ADPRHL1: variants seen among roughly 807,000 people sequenced by gnomAD.
The protein encoded by ADPRHL1 is ADP-ribosylhydrolase like 1.
Under a neutral mutation model 44.1 loss-of-function variants are expected in ADPRHL1, and 43 were observed. The observed-to-expected ratio is 0.98, with a 90% CI of 0.76 to 1.26. The LOEUF (loss-of-function observed/expected upper bound fraction) is 1.26, where lower values mean the gene tolerates loss of function less well. Ranked by LOEUF, ADPRHL1 falls within the 50% of genes most tolerant of loss-of-function variation. The probability of loss-of-function intolerance (pLI) is 0.00; values close to 1 mark genes in which losing one functional copy is unlikely to be tolerated. For missense variants in ADPRHL1, 2,022 were observed against 2,496.9 expected (o/e 0.81, Z 4.05); for synonymous variants, 878 against 1,017.4 (o/e 0.86, Z 2.61).
chr13:113,412,626 C>A (rs943965370), intron 7 of ADPRHL1, among the ~76,000 whole-genome samples: 1 of 152,240 alleles, frequency 6.6e-6, no homozygotes, highest in Non-Finnish European at 1.5e-5. Flanking sequence ...CAGCGTTGGG[C>A]ACAGCCGGGC....
intron 2 of ADPRHL1, 71 bp from the exon 3 acceptor site, chr13:113,433,938 T>C: frequency 6.9e-7 from 1 of 1,453,180 alleles, no homozygotes; most frequent in Non-Finnish European, 9.1e-7. Flanking sequence ...CTAGCTTTCA[T>C]GAATAATTTT....
rs924340844 is a variant in ADPRHL1 at position 113,402,436 on chromosome 13, A to G, written c.*942T>C. The G allele has an allele frequency of 3.3e-5, 5 of 152,222 alleles. No homozygotes were observed. The highest frequency in any genetic ancestry group is 1.2e-4 in the African/African-American group (5 of 41,438). 9.4% of individuals were successfully genotyped at this position (152,222 alleles called of 1,614,324 possible). On this transcript the variant is annotated 3_prime_UTR_variant, in exon 8 of 8. Coordinates refer to ENST00000612156, the MANE Select transcript of ADPRHL1 (RefSeq NM_001394807.1). ...AGCATTCAAATATTCCAGCCTGAAC[A>G]TGCATTACCTCAGTACCTGAACAGG...
chr13:113,403,087 G>T lies in ADPRHL1; in HGVS notation c.*291C>A. The T allele has an allele frequency of 4.0e-6, 1 of 249,392 alleles. No homozygotes were observed. The highest frequency in any genetic ancestry group is 7.5e-6 in the Non-Finnish European group (1 of 134,060). The allele number at this position is 249,392 out of a possible 1,614,324, so 15.4% of individuals were successfully genotyped here. Reference sequence around the variant, plus strand: ...CACGCTGCAGGCTGTGTGAGAGAGGGGTGAGCCGGCGCCCCCGAGTGAAGA... The same window carrying T: ...CACGCTGCAGGCTGTGTGAGAGAGGTGTGAGCCGGCGCCCCCGAGTGAAGA... On this transcript the variant is annotated 3_prime_UTR_variant, in exon 8 of 8. Transcript: ENST00000612156.
Position 113,400,125 on chromosome 13 carries a change from G to C in ADPRHL1, c.*3253C>G, listed in dbSNP as rs928821655. The stretch of plus-strand genomic sequence containing the variant: ...ACTAAGAAGCTAAAATAAATATCCT[G>C]TTTTCTTTTCTTTTCTTTTCTTCTT... On this transcript the variant is annotated 3_prime_UTR_variant, in exon 8 of 8. Coordinates refer to ENST00000612156, the MANE Select transcript of ADPRHL1 (RefSeq NM_001394807.1). The C allele has an allele frequency of 1.4e-5, 2 of 143,596 alleles. No homozygotes were observed. The highest frequency in any genetic ancestry group is 5.3e-5 in the African/African-American group (2 of 37,458). 8.9% of individuals were successfully genotyped at this position (143,596 alleles called of 1,614,324 possible). A position where few individuals can be genotyped will look rare whatever the true frequency, so the allele number is the denominator to read the frequency against.
In ADPRHL1 at chr13:113,407,666, G is replaced by A. The variant is rs2043819235; in HGVS notation, c.1616C>T (p.Pro539Leu). 8.1e-6 allele frequency: 10 copies of A among 1,231,910 alleles called. No individual in the cohort carries two copies. The highest frequency in any genetic ancestry group is 8.4e-5 in the Admixed American group (2 of 23,704). The allele number at this position is 1,231,910 out of a possible 1,614,324, so 76.3% of individuals were successfully genotyped here. A position where few individuals can be genotyped will look rare whatever the true frequency, so the allele number is the denominator to read the frequency against. ...CACCGAGCTCTTGCCCATGATCTTC[G>A]GCAAGAGGCCCCTGGCGGCTTTGGG... ...ERPKAARGLL[P>L]KIMGKSSVLS... The change falls in exon 8 of 8, where the codon CCG becomes CTG. Residue 539 changes from proline (P) to leucine (L), a missense_variant. Coordinates refer to ENST00000612156, the MANE Select transcript of ADPRHL1 (RefSeq NM_001394807.1).
chr13:113,409,415 A>C lies in ADPRHL1; in HGVS notation c.1062-1195T>G. On this transcript the variant is annotated intron_variant, in intron 7 of 7. Transcript: ENST00000612156. The surrounding 1 kb of genome is among the most constrained non-coding windows in gnomAD (Gnocchi z 4.2). ...TGAGGAACAAAGACTCGAGTATTAC[A>C]GGAAAAGTCGCCTTCATGGTGCCGT... 1.0e-6 allele frequency: 1 copy of C among 985,388 alleles called. No homozygotes were observed. The highest frequency in any genetic ancestry group is 1.2e-6 in the Non-Finnish European group (1 of 829,938). 61.0% of individuals were successfully genotyped at this position (985,388 alleles called of 1,614,324 possible).
At position 113,422,837 on chromosome 13, in the gene ADPRHL1, G is replaced by A. The variant is rs1372204942; in HGVS notation, c.1050C>T (p.Ser350=). The A allele has an allele frequency of 6.2e-7, 1 of 1,612,786 alleles. No homozygotes were observed. The highest frequency in any genetic ancestry group is 2.2e-5 in the East Asian group (1 of 44,864). The part of the protein sequence containing the change: ...EDLGAALYRL[S]TEENRKSSKT... ...AGAAATGGCTTTACTTCTCCTCTGT[G>A]GACAGGCGGTAGAGAGCCGCGCCCA... Residue 350 remains serine, a synonymous_variant, in exon 7 of 8, where the codon TCC becomes TCT. Transcript: ENST00000612156.
intron 4 of ADPRHL1, among the ~76,000 whole-genome samples, 155 bp from the exon 5 acceptor site, chr13:113,425,334 C>T (rs2043960598): frequency 6.6e-6 from 1 of 152,190 alleles, no homozygotes; most frequent in African/African-American, 2.4e-5. Context: ...AAGCCGAGCA[C>T]CTGTCCTGGA....
intron 1 of ADPRHL1, chr13:113,448,977 C>G (rs749457618): frequency 1.0e-5 from 10 of 985,766 alleles, no homozygotes; most frequent in Non-Finnish European, 1.2e-5. Context: ...CGCCCCTCCC[C>G]AGGCCTGGCA....
At chr13:113,449,448 C>A (rs1003187753) in intron 1 of ADPRHL1, among the ~76,000 whole-genome samples, 1 of 147,258 alleles carries the variant, frequency 6.8e-6, no homozygotes, top group African/African-American at 2.5e-5. Context: ...GAGTGAGCCC[C>A]GTTCAGAGAG....
In ADPRHL1 at chr13:113,407,146, G is replaced by A; in HGVS notation, c.2136C>T (p.Cys712=). 2.4e-6 allele frequency: 3 copies of A among 1,232,302 alleles called. No individual in the cohort carries two copies. The highest frequency in any genetic ancestry group is 3.0e-6 in the Non-Finnish European group (3 of 988,086). 76.3% of individuals were successfully genotyped at this position (1,232,302 alleles called of 1,614,324 possible). A position where few individuals can be genotyped will look rare whatever the true frequency, so the allele number is the denominator to read the frequency against. The part of the protein sequence containing the change: ...VPSLAFSCAP[C]TGGVLPGLVP... Reference sequence around the variant, plus strand: ...CAAGGCCAGGAAGGACTCCACCTGTGCAGGGAGCACAAGAGAAGGCCAGCG... The same window carrying A: ...CAAGGCCAGGAAGGACTCCACCTGTACAGGGAGCACAAGAGAAGGCCAGCG... Residue 712 remains cysteine (C), a synonymous_variant, in exon 8 of 8, where the codon TGC becomes TGT. Transcript: ENST00000612156.
At chr13:113,452,633 G>A (rs1157210611) in intron 1 of ADPRHL1, among the ~76,000 whole-genome samples, 4 of 152,102 alleles carry the variant, frequency 2.6e-5, no homozygotes, top group Non-Finnish European at 2.9e-5. Context: ...CTCCAATCTC[G>A]TCCAATCAAG....
At position 113,405,955 on chromosome 13, in the gene ADPRHL1, T is replaced by A. The variant is rs2043805231; in HGVS notation, c.3327A>T (p.Lys1109Asn). Residue 1109 changes from lysine (K) to asparagine (N), a missense_variant, in exon 8 of 8, where the codon AAA becomes AAT. By Grantham distance (94) the Lys-to-Asn change is moderately conservative. This residue lies in a region of ADPRHL1 where 1,221 missense variants were observed against 1,517.8 expected (regional missense o/e 0.80). Coordinates refer to ENST00000612156, the MANE Select transcript of ADPRHL1 (RefSeq NM_001394807.1). ...CTGCAGCTGCCATCGCCCCACAGGC[T>A]TTCATACCTGGTTTGGGTGGTTCAT... ...SLNEPPKPGM[K>N]ACGAMAAAGS... The A allele has an allele frequency of 1.6e-6, 2 of 1,232,062 alleles. No individual in the cohort carries two copies. Among genetic ancestry groups the A allele is most frequent in the Non-Finnish European group, 2.0e-6 (2 of 988,034 alleles). 76.3% of individuals were successfully genotyped at this position (1,232,062 alleles called of 1,614,324 possible). A position where few individuals can be genotyped will look rare whatever the true frequency, so the allele number is the denominator to read the frequency against.
intron 2 of ADPRHL1, among the ~76,000 whole-genome samples, chr13:113,434,251 C>T (rs1467628164): frequency 1.3e-5 from 2 of 151,902 alleles, no homozygotes; most frequent in African/African-American, 4.8e-5. Flanking sequence ...TGGTGTACCG[C>T]GGGACCCAGC....
chr13:113,412,241 G>A (rs1048276684), intron 7 of ADPRHL1, among the ~76,000 whole-genome samples: 1 of 152,238 alleles, frequency 6.6e-6, no homozygotes, highest in Admixed American at 6.5e-5. Context: ...GCAGTGGCGC[G>A]ATCTCGACTC....
chr13:113,434,070 T>G (rs2044027936), intron 2 of ADPRHL1, among the ~76,000 whole-genome samples: 1 of 152,202 alleles, frequency 6.6e-6, no homozygotes, highest in East Asian at 1.9e-4. Flanking sequence ...TGCATCCAAG[T>G]GTCGGGTGTT....
In ADPRHL1 at chr13:113,402,709, T is replaced by A. The variant is rs1230850378; in HGVS notation, c.*669A>T. 1 of 152,432 alleles carries A rather than the reference T, an allele frequency of 6.6e-6. No homozygotes were observed. The highest frequency in any genetic ancestry group is 1.9e-4 in the East Asian group (1 of 5,188). The allele number at this position is 152,432 out of a possible 1,614,324, so 9.4% of individuals were successfully genotyped here. A position where few individuals can be genotyped will look rare whatever the true frequency, so the allele number is the denominator to read the frequency against. ...CTCAGAACTTAACGTGGGCATTTCC[T>A]GAGGCCTCTTCCTCCGGATGAGCTG... is the stretch of plus-strand genomic sequence containing the variant. On this transcript the variant is annotated 3_prime_UTR_variant, in exon 8 of 8. Transcript: ENST00000612156.
Position 113,402,020 on chromosome 13 carries a change from G to A in ADPRHL1, c.*1358C>T, listed in dbSNP as rs1166643299. The stretch of plus-strand genomic sequence containing the variant: ...CCAAAGCGCCTTTGCGAACGCTTAG[G>A]GCTGTTTCAGGAAACCGCTCAGTAG... On this transcript the variant is annotated 3_prime_UTR_variant, in exon 8 of 8. Transcript: ENST00000612156. 6.6e-6 allele frequency: 1 copy of A among 152,266 alleles called. No homozygotes were observed. Among genetic ancestry groups the A allele is most frequent in the Admixed American group, 6.5e-5 (1 of 15,286 alleles). 9.4% of individuals were successfully genotyped at this position (152,266 alleles called of 1,614,324 possible). A position where few individuals can be genotyped will look rare whatever the true frequency, so the allele number is the denominator to read the frequency against.
In ADPRHL1 at chr13:113,408,084, C is replaced by T. The variant is rs889467966; in HGVS notation, c.1198G>A (p.Ala400Thr). 3.7e-5 allele frequency: 45 copies of T among 1,231,918 alleles called. No homozygotes were observed. Among genetic ancestry groups the T allele is most frequent in the African/African-American group, 4.7e-5 (3 of 64,436 alleles). 76.3% of individuals were successfully genotyped at this position (1,231,918 alleles called of 1,614,324 possible). The change falls in exon 8 of 8, where the codon GCA becomes ACA. Residue 400 changes from alanine to threonine, a missense_variant. Ala to Thr is a moderately conservative substitution (Grantham distance 58). Transcript: ENST00000612156. ...GCCTCTGTCCCCGGGGGCCGGTCTG[C>T]GCGGCCCGTGACGTAGAGCAGCAGG... ...SSLLLYVTGR[A>T]DRPPGTEAGG...
Sources: gnomAD v4.1 joint callset for allele counts (sites outside exome capture counted in the v4.1 genomes callset) on GRCh38, gnomAD v4.1.1 for gene constraint, gnomAD v4.1.1 regional missense constraint, Gnocchi (gnomAD v3.1) non-coding constraint, MANE v1.5 for transcripts, NCBI Gene and HGNC (gene_info 2026-07-23, HGNC 2026-07-21) for gene names.